Variants in SPPL2A observed in about 807,000 individuals in gnomAD.
SPPL2A encodes the protein signal peptide peptidase like 2A, also known as signal peptide peptidase-like 2A.
Under a neutral mutation model 63.8 loss-of-function variants are expected in SPPL2A, and 51 were observed. The observed-to-expected ratio is 0.80, with a 90% CI of 0.64 to 1.01. The LOEUF (loss-of-function observed/expected upper bound fraction) is 1.01. Ranked by LOEUF, SPPL2A falls within the 50% of genes least tolerant of loss-of-function variation. The pLI is 0.00. For missense variants in SPPL2A, 553 were observed against 622.7 expected (o/e 0.89, Z 1.19); for synonymous variants, 188 against 205.8 (o/e 0.91, Z 0.74).
chr15:50,718,737 A>C (rs1428368323), intron 14 of SPPL2A, among the ~76,000 whole-genome samples: 2 of 152,178 alleles, frequency 1.3e-5, no homozygotes, highest in Non-Finnish European at 2.9e-5. Context: ...GTAGTCTGTA[A>C]CTTAATGTGT....
At chr15:50,729,904 C>T (rs971179957) in intron 10 of SPPL2A, among the ~76,000 whole-genome samples, 2 of 151,346 alleles carry the variant, frequency 1.3e-5, no homozygotes, top group African/African-American at 2.4e-5. Context: ...GGGAGGCCAA[C>T]GTGGGAGGAC....
rs778636081 is a variant in SPPL2A at position 50,736,656 on chromosome 15, T to C, written c.818A>G (p.Tyr273Cys). Residue 273 changes from tyrosine to cysteine, a missense_variant, in exon 7 of 15, where the codon TAT becomes TGT. Physicochemically the swap from Tyr to Cys is radical, Grantham distance 194. Transcript: ENST00000261854. ...AAGAGATACGTACGTGCATTGTCCA[T>C]ATGGTATCTTATGAATTAGTGCAGC... is the stretch of plus-strand genomic sequence containing the variant. ...CLAALIHKIP[Y>C]GQCTIACRGK... 4.4e-6 allele frequency: 7 copies of C among 1,573,928 alleles called. No homozygotes were observed. The highest frequency in any genetic ancestry group is 4.4e-6 in the Non-Finnish European group (5 of 1,144,572).
chr15:50,760,984 A>G (rs1446411064), intron 1 of SPPL2A, among the ~76,000 whole-genome samples: 1 of 149,558 alleles, frequency 6.7e-6, no homozygotes, highest in African/African-American at 2.5e-5. Flanking sequence ...AAAAAAATCA[A>G]CAAAACTATT....
At chr15:50,731,556 A>G (rs2062731751) in intron 9 of SPPL2A, among the ~76,000 whole-genome samples, 1 of 151,926 alleles carries the variant, frequency 6.6e-6, no homozygotes, top group Non-Finnish European at 1.5e-5. Context: ...GGAAAAAAAA[A>G]AAGAAGAAAT....
intron 8 of SPPL2A, among the ~76,000 whole-genome samples, chr15:50,733,423 T>C (rs2062745519): frequency 6.6e-6 from 1 of 152,186 alleles, no homozygotes; most frequent in Admixed American, 6.5e-5. Flanking sequence ...TATATTTTCT[T>C]ATATCCCCCT....
In SPPL2A at chr15:50,727,655, T is replaced by C. The variant is rs894996557; in HGVS notation, c.1090-1278A>G. Among the ~76,000 whole-genome samples the C allele has an allele frequency of 3.3e-5, 5 of 152,184 alleles. No homozygotes were observed. In the East Asian group the frequency reaches 9.6e-4, roughly 29 times the overall value. The stretch of plus-strand genomic sequence containing the variant: ...AAGACAGGCTCTTATTGCTGTACTC[T>C]TATGGTGACCTGCCTTGCCAACTCA... On this transcript the variant is annotated intron_variant, in intron 10 of 14. Transcript: ENST00000261854.
rs2062801393 is a variant in SPPL2A at position 50,739,580 on chromosome 15, G to A, written c.733+100C>T. The stretch of plus-strand genomic sequence containing the variant: ...AATATTAACCAAATTATTCACATAC[G>A]TTTTCCAGGTAGAATGGCTTAAAGG... On this transcript the variant is annotated intron_variant, in intron 6 of 14. Coordinates refer to ENST00000261854, the MANE Select transcript of SPPL2A (RefSeq NM_032802.4). The A allele has an allele frequency of 1.4e-5, 11 of 807,962 alleles. No individual in the cohort carries two copies. In the East Asian group the frequency reaches 2.1e-4, roughly 15 times the overall value. The allele number at this position is 807,962 out of a possible 1,614,324, so 50.0% of individuals were successfully genotyped here. A position where few individuals can be genotyped will look rare whatever the true frequency, so the allele number is the denominator to read the frequency against.
At chr15:50,719,285 C>G (rs1345023580) in intron 14 of SPPL2A, among the ~76,000 whole-genome samples, 1 of 152,102 alleles carries the variant, frequency 6.6e-6, no homozygotes, top group African/African-American at 2.4e-5. Flanking sequence ...ACTCTTGTTG[C>G]CCAGGCTGGA....
chr15:50,731,285 G>A (rs2062729555), intron 9 of SPPL2A, among the ~76,000 whole-genome samples: 2 of 152,220 alleles, frequency 1.3e-5, no homozygotes, highest in East Asian at 1.9e-4. Context: ...GGTGGCTCAC[G>A]CCTGTAATCC....
At chr15:50,712,542 T>G (rs919088905) in intron 14 of SPPL2A, among the ~76,000 whole-genome samples, 1 of 152,062 alleles carries the variant, frequency 6.6e-6, no homozygotes, top group Non-Finnish European at 1.5e-5. Flanking sequence ...CTCCCCATTC[T>G]ATTTCAGAAG....
Position 50,734,708 on chromosome 15 carries a change from G to A in SPPL2A, c.932+1393C>T, listed in dbSNP as rs184869719. Among the ~76,000 whole-genome samples, 373 of 152,212 alleles carry A rather than the reference G, an allele frequency of 2.5e-3. 4 individuals carry two copies. The highest frequency in any genetic ancestry group is 8.5e-3 in the African/African-American group (354 of 41,550). ...GTTCCCAACACAAAGAAATGACAAA[G>A]GCTTGAGGTGATGGATACCACTATT... is the stretch of plus-strand genomic sequence containing the variant. On this transcript the variant is annotated intron_variant, in intron 8 of 14. Transcript: ENST00000261854.
chr15:50,758,904 A>G (rs1324878874), intron 1 of SPPL2A, among the ~76,000 whole-genome samples: 6 of 151,796 alleles, frequency 4.0e-5, no homozygotes, highest in African/African-American at 1.5e-4. Context: ...CTATCTATCT[A>G]TCTATCTATC....
intron 10 of SPPL2A, among the ~76,000 whole-genome samples, chr15:50,730,439 A>C (rs974919116): frequency 1.4e-4 from 22 of 152,234 alleles, no homozygotes; most frequent in African/African-American, 5.3e-4. Context: ...TTTTTGGTAC[A>C]GAAGGCTTCG....
chr15:50,712,632 T>C lies in SPPL2A; in HGVS notation c.1489-4758A>G, dbSNP rs1365620868. 2.7e-5 allele frequency among the ~76,000 whole-genome samples: 4 copies of C among 150,158 alleles called. No homozygotes were observed. In the East Asian group the frequency reaches 5.9e-4, roughly 22 times the overall value. On this transcript the variant is annotated intron_variant, in intron 14 of 14. Coordinates refer to ENST00000261854, the MANE Select transcript of SPPL2A (RefSeq NM_032802.4). The stretch of plus-strand genomic sequence containing the variant: ...AGCTAACCCACCACTATGGATTTCC[T>C]TCCTTCCTTTCCTTCCTTTCCTCCC...
chr15:50,723,947 T>C (rs114449050), intron 12 of SPPL2A, among the ~76,000 whole-genome samples: 143 of 152,334 alleles, frequency 9.4e-4, no homozygotes, highest in African/African-American at 3.3e-3. Context: ...ACCTTTGACA[T>C]TTACTTCAAT....
intron 8 of SPPL2A, among the ~76,000 whole-genome samples, chr15:50,735,542 CAT>C (rs1310217151): frequency 2.8e-5 from 3 of 107,916 alleles, no homozygotes; most frequent in Non-Finnish European, 5.9e-5. Flanking sequence ...CACATATATA[CAT>C]ACACACACAC....
At chr15:50,747,054 A>C (rs2062864172) in intron 5 of SPPL2A, among the ~76,000 whole-genome samples, 1 of 152,168 alleles carries the variant, frequency 6.6e-6, no homozygotes, top group South Asian at 2.1e-4. Flanking sequence ...GACTAAGTGA[A>C]AAAAAAGATG....
At position 50,705,375 on chromosome 15, in the gene SPPL2A, G is replaced by C. The variant is rs1257073862; in HGVS notation, c.*2425C>G. ...AAAAAGAAATTAATTATCTCATTTC[G>C]ATGTAGTAAAAAAAAAATTTTCTTT... On this transcript the variant is annotated 3_prime_UTR_variant, in exon 15 of 15. Transcript: ENST00000261854. The C allele has an allele frequency of 1.3e-5, 2 of 151,100 alleles. No homozygotes were observed. The highest frequency in any genetic ancestry group is 2.4e-5 in the African/African-American group (1 of 41,144). 9.4% of individuals were successfully genotyped at this position (151,100 alleles called of 1,614,324 possible). A position where few individuals can be genotyped will look rare whatever the true frequency, so the allele number is the denominator to read the frequency against.
Position 50,765,402 on chromosome 15 carries a change from AGCCCCGGCCTTG to A in SPPL2A, c.66+54_66+65del, listed in dbSNP as rs1405541633. Reference sequence around the variant, plus strand: ...GGCCGGGCGAGGAGTAGGGGAAGGGAGCCCCGGCCTTGGCCCCGGCCCCGCCCAGCCCCTGGG... The same window carrying A: ...GGCCGGGCGAGGAGTAGGGGAAGGGAGCCCCGGCCCCGCCCAGCCCCTGGG... On this transcript the variant is annotated intron_variant, in intron 1 of 14. Coordinates refer to ENST00000261854, the MANE Select transcript of SPPL2A (RefSeq NM_032802.4). 3.2e-5 allele frequency: 41 copies of A among 1,296,770 alleles called. 1 individual carries two copies. The highest frequency in any genetic ancestry group is 2.4e-4 in the Admixed American group (9 of 37,392). 80.3% of individuals were successfully genotyped at this position (1,296,770 alleles called of 1,614,324 possible).
Sources: gnomAD v4.1 joint callset for allele counts (sites outside exome capture counted in the v4.1 genomes callset) on GRCh38, gnomAD v4.1.1 for gene constraint, MANE v1.5 for transcripts, NCBI Gene and HGNC (gene_info 2026-07-23, HGNC 2026-07-21) for gene names.